Variants in LIPC observed in about 807,000 individuals in gnomAD.
The protein encoded by LIPC is lipase C, hepatic type, also known as hepatic triacylglycerol lipase.
Under a neutral mutation model 50.7 loss-of-function variants are expected in LIPC, and 44 were observed. The ratio of observed to expected loss-of-function variants is 0.87; its 90% CI spans 0.68 to 1.11. LIPC has a LOEUF of 1.11. Ranked by LOEUF, LIPC falls within the 50% of genes most tolerant of loss-of-function variation. The pLI, the probability that LIPC is intolerant of heterozygous loss-of-function variation, is 0.00. For missense variants in LIPC, 697 were observed against 648.2 expected (o/e 1.08, Z -0.82); for synonymous variants, 271 against 256.4 (o/e 1.06, Z -0.54).
intron 1 of LIPC, among the ~76,000 whole-genome samples, chr15:58,495,234 G>A (rs375829513): frequency 1.9e-4 from 29 of 152,176 alleles, no homozygotes; most frequent in East Asian, 1.5e-3. Context: ...TGCTCTGAGC[G>A]ATTTAGTTCT....
At chr15:58,453,347 G>A (rs1485032066) in intron 1 of LIPC, among the ~76,000 whole-genome samples, 3 of 151,982 alleles carry the variant, frequency 2.0e-5, no homozygotes, top group East Asian at 1.9e-4. Flanking sequence ...GGAACAATAT[G>A]ACCATTTCTG....
Position 58,548,499 on chromosome 15 carries a change from C to T in LIPC, c.978C>T (p.Tyr326=), listed in dbSNP as rs771872430. 5.6e-6 allele frequency: 9 copies of T among 1,607,286 alleles called. No individual in the cohort carries two copies. In the South Asian group the frequency reaches 1.0e-4, roughly 18 times the overall value. Residue 326 remains tyrosine, a synonymous_variant, in exon 6 of 9, where the codon TAC becomes TAT. Coordinates refer to ENST00000299022, the MANE Select transcript of LIPC (RefSeq NM_000236.3). ...CKKGRCNTLG[Y]HVRQEPRSKS... ...AGGGCCGCTGCAACACGCTGGGCTA[C>T]CACGTCCGCCAGGAGCCGCGGAGCA...
chr15:58,547,761 G>A (rs983165396), intron 5 of LIPC, among the ~76,000 whole-genome samples: 15 of 152,158 alleles, frequency 9.9e-5, no homozygotes, highest in South Asian at 2.1e-4. Flanking sequence ...GGTTTCACAG[G>A]CCTGTTACCT....
At chr15:58,556,877 C>T (rs1460474353) in intron 6 of LIPC, among the ~76,000 whole-genome samples, 1 of 152,102 alleles carries the variant, frequency 6.6e-6, no homozygotes, top group Non-Finnish European at 1.5e-5. Context: ...AAGTAGGCAT[C>T]TTATAAAGTT....
At chr15:58,442,223 C>T (rs1893531948) in intron 1 of LIPC, among the ~76,000 whole-genome samples, 1 of 152,158 alleles carries the variant, frequency 6.6e-6, no homozygotes, top group African/African-American at 2.4e-5. Flanking sequence ...AGGAGATCTG[C>T]AGTGGTGACC....
intron 1 of LIPC, among the ~76,000 whole-genome samples, chr15:58,504,390 C>T (rs1566932307): frequency 2.0e-5 from 3 of 152,172 alleles, no homozygotes; most frequent in South Asian, 2.1e-4. Flanking sequence ...TTTTGAGTCT[C>T]AAGCAAGTGA....
intron 1 of LIPC, among the ~76,000 whole-genome samples, chr15:58,461,994 C>T (rs1371990246): frequency 6.6e-6 from 1 of 150,540 alleles, no homozygotes; most frequent in Non-Finnish European, 1.5e-5. Flanking sequence ...TGTGTTTTCT[C>T]CCTCATCCTC....
At chr15:58,504,316 G>A (rs1224011331) in intron 1 of LIPC, among the ~76,000 whole-genome samples, 1 of 152,206 alleles carries the variant, frequency 6.6e-6, no homozygotes, top group Non-Finnish European at 1.5e-5. Context: ...GATGACACCT[G>A]CTCATTCTGA....
chr15:58,550,676 G>A (rs941234450), intron 6 of LIPC, among the ~76,000 whole-genome samples: 1 of 151,880 alleles, frequency 6.6e-6, no homozygotes, highest in Non-Finnish European at 1.5e-5. Flanking sequence ...CTTTATTACC[G>A]ACTACTTATC....
intron 1 of LIPC, among the ~76,000 whole-genome samples, chr15:58,448,190 T>G (rs1190840751): frequency 6.6e-6 from 1 of 152,190 alleles, no homozygotes; most frequent in Non-Finnish European, 1.5e-5. Context: ...CTGTGTGACT[T>G]TGGATAAATC....
intron 1 of LIPC, among the ~76,000 whole-genome samples, chr15:58,496,871 G>C (rs1438122070): frequency 1.3e-5 from 2 of 152,026 alleles, no homozygotes; most frequent in Non-Finnish European, 2.9e-5. Context: ...TTTTAGTAGA[G>C]ATAGGGTTTC....
chr15:58,473,584 A>G (rs1391198491), intron 1 of LIPC: 1 of 152,266 alleles, frequency 6.6e-6, no homozygotes, highest in Admixed American at 6.5e-5. Context: ...TCCAGTTAAT[A>G]TCTTTCTGGC....
intron 1 of LIPC, among the ~76,000 whole-genome samples, chr15:58,453,883 A>G (rs368980930): frequency 1.3e-4 from 20 of 152,128 alleles, no homozygotes; most frequent in African/African-American, 4.3e-4. Flanking sequence ...AAAAAAGAAA[A>G]GAAAAGAAAA....
chr15:58,436,894 AC>A (rs1344144369), intron 1 of LIPC: 12 of 455,658 alleles, frequency 2.6e-5, no homozygotes, highest in African/African-American at 2.4e-4. Flanking sequence ...AAGCCCAAAT[AC>A]CTTTCAAAAA....
chr15:58,469,955 C>T (rs1485508464), intron 1 of LIPC, among the ~76,000 whole-genome samples: 1 of 117,284 alleles, frequency 8.5e-6, no homozygotes, highest in Non-Finnish European at 1.8e-5. Flanking sequence ...TTTTTTGAGA[C>T]AAGGTCTCCC....
intron 2 of LIPC, among the ~76,000 whole-genome samples, chr15:58,541,504 G>C (rs12909325): frequency 6.6e-6 from 1 of 151,422 alleles, no homozygotes; most frequent in African/African-American, 2.4e-5. Context: ...GGGGGGGAAC[G>C]TTTGGAAAAA....
intron 1 of LIPC, among the ~76,000 whole-genome samples, chr15:58,529,130 C>G (rs1892874327): frequency 6.6e-6 from 1 of 152,164 alleles, no homozygotes; most frequent in Non-Finnish European, 1.5e-5. Context: ...AAGCTCAAAG[C>G]CAGGAGCTAG....
intron 1 of LIPC, among the ~76,000 whole-genome samples, chr15:58,536,613 G>A (rs1170409051): frequency 1.3e-5 from 2 of 152,116 alleles, no homozygotes; most frequent in East Asian, 1.9e-4. Context: ...TAGACAGGAG[G>A]GCAGCCAGTG....
At chr15:58,489,658 A>G (rs1052763087) in intron 1 of LIPC, among the ~76,000 whole-genome samples, 13 of 152,188 alleles carry the variant, frequency 8.5e-5, no homozygotes, top group African/African-American at 3.1e-4. Context: ...CTACAGAAGC[A>G]ATTAGGCAAG....
Sources: allele counts gnomAD v4.1 joint callset (sites outside exome capture counted in the v4.1 genomes callset), GRCh38; gene constraint gnomAD v4.1.1; transcripts MANE v1.5; gene names NCBI Gene and HGNC (gene_info 2026-07-23, HGNC 2026-07-21).